The following HTR1F variants were observed in gnomAD, a reference collection of about 807,000 sequenced individuals.
The protein encoded by HTR1F is 5-hydroxytryptamine receptor 1F, also known as 5-hydroxytryptamine (serotonin) receptor 1F, G protein-coupled.
HTR1F carries 17 observed loss-of-function variants against 24.0 expected under a neutral mutation model. The observed-to-expected ratio is 0.71, with a 90% CI of 0.48 to 1.06. The LOEUF (loss-of-function observed/expected upper bound fraction) is 1.06. Among genes scored for constraint, HTR1F ranks in the 50% least tolerant of loss-of-function variants. The probability of loss-of-function intolerance (pLI) is 0.00; values close to 1 mark genes in which losing one functional copy is unlikely to be tolerated. For missense variants in HTR1F, 391 were observed against 427.8 expected (o/e 0.91, Z 0.76); for synonymous variants, 186 against 156.8 (o/e 1.19, Z -1.39).
chr3:87,918,068 A>C (rs575172000), intron 2 of HTR1F, among the ~76,000 whole-genome samples: 4 of 152,128 alleles, frequency 2.6e-5, no homozygotes, highest in African/African-American at 9.6e-5. Context: ...TTTAACATAC[A>C]CAAGTCAATA....
At chr3:87,804,768 A>T (rs575766062) in intron 1 of HTR1F, among the ~76,000 whole-genome samples, 1 of 152,060 alleles carries the variant, frequency 6.6e-6, no homozygotes, top group Non-Finnish European at 1.5e-5. Flanking sequence ...ATGTAATTTT[A>T]AATTTTAAAT....
At chr3:87,843,011 T>A (rs371955486) in intron 2 of HTR1F, among the ~76,000 whole-genome samples, 7 of 151,864 alleles carry the variant, frequency 4.6e-5, no homozygotes, top group African/African-American at 1.7e-4. Context: ...TCGGACAAGC[T>A]TGTGTGACCT....
At chr3:87,939,749 T>C (rs887353085) in intron 2 of HTR1F, among the ~76,000 whole-genome samples, 4 of 152,242 alleles carry the variant, frequency 2.6e-5, no homozygotes, top group African/African-American at 9.6e-5. Flanking sequence ...TTGATTCTTC[T>C]CTCTTTTCTT....
intron 2 of HTR1F, among the ~76,000 whole-genome samples, chr3:87,902,934 T>C (rs913491818): frequency 6.6e-5 from 10 of 151,554 alleles, no homozygotes; most frequent in Non-Finnish European, 1.5e-4. Flanking sequence ...GAGATATAGA[T>C]CAATGGAACA....
At chr3:87,934,862 A>G (rs1704373456) in intron 2 of HTR1F, among the ~76,000 whole-genome samples, 1 of 152,114 alleles carries the variant, frequency 6.6e-6, no homozygotes, top group Non-Finnish European at 1.5e-5. Flanking sequence ...TTATACTCTT[A>G]ACTGTTTTTG....
chr3:87,854,843 A>G (rs1705164375), intron 2 of HTR1F, among the ~76,000 whole-genome samples: 1 of 151,912 alleles, frequency 6.6e-6, no homozygotes, highest in Non-Finnish European at 1.5e-5. Flanking sequence ...ATTCATATCT[A>G]TTAACTTTTT....
At chr3:87,877,692 A>G (rs1705701191) in intron 2 of HTR1F, among the ~76,000 whole-genome samples, 1 of 152,182 alleles carries the variant, frequency 6.6e-6, no homozygotes, top group Non-Finnish European at 1.5e-5. Flanking sequence ...CAGAGCTTCA[A>G]CTGACTCTGA....
chr3:87,944,785 A>G (rs2107448033), intron 2 of HTR1F, among the ~76,000 whole-genome samples: 1 of 152,322 alleles, frequency 6.6e-6, no homozygotes, highest in Non-Finnish European at 1.5e-5. Context: ...TTCTGTTAGC[A>G]AAGCAGTTGC....
intron 2 of HTR1F, among the ~76,000 whole-genome samples, chr3:87,910,644 T>A (rs946100633): frequency 6.6e-6 from 1 of 152,062 alleles, no homozygotes; most frequent in Admixed American, 6.6e-5. Flanking sequence ...TACAGAACTC[T>A]GCACCCAAAA....
intron 2 of HTR1F, among the ~76,000 whole-genome samples, chr3:87,942,371 G>A (rs1297766529): frequency 2.0e-5 from 3 of 152,088 alleles, no homozygotes; most frequent in Non-Finnish European, 2.9e-5. Flanking sequence ...TGAGAAGGCC[G>A]CACCTGTGTC....
intron 2 of HTR1F, among the ~76,000 whole-genome samples, chr3:87,922,427 T>A (rs1390500451): frequency 6.6e-6 from 1 of 152,010 alleles, no homozygotes; most frequent in African/African-American, 2.4e-5. Context: ...CCCTGTCAGA[T>A]GAATTGTCTG....
At chr3:87,942,232 A>T (rs576344731) in intron 2 of HTR1F, among the ~76,000 whole-genome samples, 1 of 152,240 alleles carries the variant, frequency 6.6e-6, no homozygotes, top group South Asian at 2.1e-4. Context: ...TTAGAAAAGC[A>T]TTTGAAAAGA....
At chr3:87,869,706 G>A (rs929889582) in intron 2 of HTR1F, among the ~76,000 whole-genome samples, 2 of 152,050 alleles carry the variant, frequency 1.3e-5, no homozygotes, top group Non-Finnish European at 2.9e-5. Context: ...ACTTGCGGGA[G>A]AAGCCTTTCG....
At chr3:87,909,239 T>C (rs1355810263) in intron 2 of HTR1F, among the ~76,000 whole-genome samples, 2 of 152,028 alleles carry the variant, frequency 1.3e-5, no homozygotes, top group Admixed American at 1.3e-4. Context: ...GGTCAAATCA[T>C]GTTGAACATG....
chr3:87,964,217 TATAAA>T (rs1388419791), intron 2 of HTR1F, among the ~76,000 whole-genome samples: 2 of 152,144 alleles, frequency 1.3e-5, no homozygotes, highest in Non-Finnish European at 2.9e-5. Context: ...AATATTAGAA[TATAAA>T]ACTATAATAT....
chr3:87,940,832 C>G (rs751592148), intron 2 of HTR1F, among the ~76,000 whole-genome samples: 27 of 152,200 alleles, frequency 1.8e-4, no homozygotes, highest in Non-Finnish European at 3.7e-4. Flanking sequence ...TCATGGTTGT[C>G]TGACAGCCAC....
At chr3:87,906,871 A>G (rs187717653) in intron 2 of HTR1F, among the ~76,000 whole-genome samples, 31 of 152,050 alleles carry the variant, frequency 2.0e-4, no homozygotes, top group African/African-American at 7.5e-4. Flanking sequence ...TTATTTTGTT[A>G]CTTCTTATGG....
At chr3:87,862,095 T>A (rs1705331708) in intron 2 of HTR1F, among the ~76,000 whole-genome samples, 1 of 152,166 alleles carries the variant, frequency 6.6e-6, no homozygotes, top group Non-Finnish European at 1.5e-5. Context: ...ATTTACCATT[T>A]CCAGTGTGCT....
chr3:87,989,961 T>C (rs1705782182), intron 2 of HTR1F, among the ~76,000 whole-genome samples: 2 of 152,224 alleles, frequency 1.3e-5, no homozygotes, highest in South Asian at 4.1e-4. Context: ...GATTAACTTC[T>C]TTTAATTTAT....
Sources: allele counts gnomAD v4.1 joint callset (sites outside exome capture counted in the v4.1 genomes callset), GRCh38; gene constraint gnomAD v4.1.1; transcripts MANE v1.5; gene names NCBI Gene and HGNC (gene_info 2026-07-23, HGNC 2026-07-21).